The following IFIH1 variants were observed in gnomAD, a reference collection of about 807,000 sequenced individuals.
The protein encoded by IFIH1 is interferon induced with helicase C domain 1.
IFIH1 carries 125 observed loss-of-function variants against 107.4 expected under a neutral mutation model. The ratio of observed to expected loss-of-function variants is 1.16; its 90% confidence interval spans 1.01 to 1.35. The LOEUF is 1.35. IFIH1 is among the 40% of genes most tolerant of loss of function. IFIH1 has a pLI of 0.00. For missense variants in IFIH1, 1,333 were observed against 1,213.7 expected, an observed-to-expected ratio of 1.10 and a Z score of -1.46; for synonymous variants, 458 against 413.2, an observed-to-expected ratio of 1.11 and a Z score of -1.31.
At chr2:162,288,840 A>G (rs1160835261) in intron 4 of IFIH1, among the ~76,000 whole-genome samples, 1 of 151,088 alleles carries the variant, frequency 6.6e-6, no homozygotes, top group Non-Finnish European at 1.5e-5. Context: ...CCTTTTTTTA[A>G]TTGCAAAGAA....
rs758694037 is a variant in IFIH1 at position 162,310,823 on chromosome 2, T to C, written c.564A>G (p.Thr188=). Reference sequence around the variant, plus strand: ...ACTCTTGGACAAGTTCATTGTTTCCTGTTTGACGAAGAACATTCAGAAATG... The same window carrying C: ...ACTCTTGGACAAGTTCATTGTTTCCCGTTTGACGAAGAACATTCAGAAATG... ...FSAFLNVLRQ[T]GNNELVQELT... The change falls in exon 2 of 16, where the codon ACA becomes ACG. Residue 188 remains threonine (T), a synonymous_variant. Transcript: ENST00000649979. 4.3e-6 allele frequency: 7 copies of C among 1,613,884 alleles called. No individual in the cohort carries two copies. The Admixed American group carries it at 8.3e-5, about 19-fold the overall frequency.
At chr2:162,303,384 G>C (rs1558874003) in intron 3 of IFIH1, among the ~76,000 whole-genome samples, 1 of 152,126 alleles carries the variant, frequency 6.6e-6, no homozygotes, top group Non-Finnish European at 1.5e-5. Flanking sequence ...CCAAAGTCCT[G>C]GGATTACAGG....
At chr2:162,315,983 T>C (rs1172445461) in intron 1 of IFIH1, among the ~76,000 whole-genome samples, 4 of 152,218 alleles carry the variant, frequency 2.6e-5, no homozygotes, top group Non-Finnish European at 5.9e-5. Context: ...TTTGGGTTGT[T>C]TTGGCCTTAA....
In IFIH1 at chr2:162,277,501, T is replaced by C. The variant is rs1213233883; in HGVS notation, c.1958A>G (p.Tyr653Cys). 19 of 1,586,404 alleles carry C rather than the reference T, an allele frequency of 1.2e-5. No homozygotes were observed. The highest frequency in any genetic ancestry group is 1.7e-5 in the Admixed American group (1 of 59,716). Reference protein sequence around the residue: ...DDSDEGGDDEYCDGDEDEDDL... With the variant: ...DDSDEGGDDECCDGDEDEDDL... Reference sequence around the variant, plus strand: ...ATCCTCATCTTCATCACCATCACAATACTCATCATCACCACCCTCATCACT... The same window carrying C: ...ATCCTCATCTTCATCACCATCACAACACTCATCATCACCACCCTCATCACT... Residue 653 changes from tyrosine (Y) to cysteine (C), a missense_variant, in exon 10 of 16, where the codon TAT (tyrosine) becomes TGT (cysteine). By Grantham distance (194) the Tyr-to-Cys change is radical (BLOSUM62 -2). Coordinates refer to ENST00000649979, the MANE Select transcript of IFIH1 (RefSeq NM_022168.4).
chr2:162,272,273 C>T lies in IFIH1; in HGVS notation c.2569G>A (p.Ala857Thr), dbSNP rs768238624. The T allele has an allele frequency of 1.2e-6, 2 of 1,611,062 alleles. No individual in the cohort carries two copies. The highest frequency in any genetic ancestry group is 1.7e-6 in the Non-Finnish European group (2 of 1,177,728). ...TTCATATTTTGAACACAATGTATAG[C>T]TTTATACATCATCTTCTCTCGGAAA... ...NDFREKMMYK[A>T]IHCVQNMKPE... The change falls in exon 13 of 16, where the codon GCT becomes ACT. Residue 857 changes from alanine to threonine, a missense_variant. Ala to Thr is a moderately conservative substitution (Grantham distance 58, BLOSUM62 0). Transcript: ENST00000649979.
At chr2:162,298,788 GCGCACA>G in intron 3 of IFIH1, among the ~76,000 whole-genome samples, 1 of 149,640 alleles carries the variant, frequency 6.7e-6, no homozygotes, top group African/African-American at 2.5e-5. Context: ...GCACGCGCGC[GCGCACA>G]CACACACACA....
chr2:162,290,780 T>C (rs1369727306), intron 4 of IFIH1, among the ~76,000 whole-genome samples: 1 of 151,788 alleles, frequency 6.6e-6, no homozygotes, highest in Non-Finnish European at 1.5e-5. Flanking sequence ...AGGAAAAAAT[T>C]AGAGTTGGAT....
At chr2:162,293,479 G>T in intron 4 of IFIH1, 85 bp downstream of exon 4, 1 of 748,934 alleles carries the variant, frequency 1.3e-6, no homozygotes, top group Non-Finnish European at 2.3e-6. Flanking sequence ...AAATACATTA[G>T]GGAGGGTATG....
chr2:162,304,743 C>T (rs1330746916), intron 3 of IFIH1, among the ~76,000 whole-genome samples: 1 of 152,052 alleles, frequency 6.6e-6, no homozygotes, highest in African/African-American at 2.4e-5. Flanking sequence ...TAACGAAATA[C>T]CATTTTTAAT....
chr2:162,288,403 A>G (rs1189437423), intron 4 of IFIH1, 48 bp from the exon 5 acceptor site: 3 of 1,426,834 alleles, frequency 2.1e-6, no homozygotes, highest in African/African-American at 2.8e-5. Context: ...ACAAAATAAC[A>G]GAGCTTAGGA....
chr2:162,308,681 C>T (rs570215597), intron 2 of IFIH1, among the ~76,000 whole-genome samples: 4 of 152,054 alleles, frequency 2.6e-5, no homozygotes, highest in Non-Finnish European at 5.9e-5. Context: ...CTTGGCCTGG[C>T]TCATTTAATC....
chr2:162,293,093 A>G (rs1318423149), intron 4 of IFIH1, among the ~76,000 whole-genome samples: 1 of 151,954 alleles, frequency 6.6e-6, no homozygotes, highest in Non-Finnish European at 1.5e-5. Context: ...CTCTACTCCT[A>G]TTCAAAAGAT....
intron 4 of IFIH1, 31 bp from the exon 5 acceptor site, chr2:162,288,386 A>C (rs773154539): frequency 1.3e-6 from 2 of 1,536,360 alleles, no homozygotes; most frequent in Non-Finnish European, 1.8e-6. Context: ...AAATAAGAGA[A>C]GGGACAACAA....
At chr2:162,303,197 C>G (rs1351951303) in intron 3 of IFIH1, among the ~76,000 whole-genome samples, 2 of 152,126 alleles carry the variant, frequency 1.3e-5, no homozygotes, top group Non-Finnish European at 1.5e-5. Flanking sequence ...TCACTGCAAC[C>G]TCTGCCTCTT....
Position 162,281,476 on chromosome 2 carries a change from C to T in IFIH1, c.1376G>A (p.Arg459Lys), listed in dbSNP as rs1031540879. Residue 459 changes from arginine to lysine, a missense_variant, in exon 7 of 16, where the codon AGG becomes AAG. Arg to Lys is a conservative substitution (Grantham distance 26, BLOSUM62 2). Coordinates refer to ENST00000649979, the MANE Select transcript of IFIH1 (RefSeq NM_022168.4). The stretch of plus-strand genomic sequence containing the variant: ...TTTCAACTTCTGCATCAAATAATGC[C>T]TCATGATGTTATTATACACTGCTTC... ...NKEAVYNNIM[R>K]HYLMQKLKNN... 3.2e-5 allele frequency: 52 copies of T among 1,612,018 alleles called. No homozygotes were observed. The highest frequency in any genetic ancestry group is 4.2e-5 in the Non-Finnish European group (49 of 1,178,774).
Position 162,279,857 on chromosome 2 carries a change from CA to C in IFIH1, c.1641+138del, listed in dbSNP as rs141469634. The C allele has an allele frequency of 3.9e-3, 2,542 of 651,074 alleles. 18 individuals are homozygous for C. The highest frequency in any genetic ancestry group is 0.033 in the Middle Eastern group (83 of 2,482). The allele number at this position is 651,074 out of a possible 1,614,324, so 40.3% of individuals were successfully genotyped here. A position where few individuals can be genotyped will look rare whatever the true frequency, so the allele number is the denominator to read the frequency against. On this transcript the variant is annotated intron_variant, in intron 8 of 15. Coordinates refer to ENST00000649979, the MANE Select transcript of IFIH1 (RefSeq NM_022168.4). ...ACTGTAGTGCTTTACTGCCTAACAT[CA>C]ATTAAAAAAAAACCTGAAACTTGTT...
chr2:162,272,069 A>T (rs1484934835), intron 13 of IFIH1, among the ~76,000 whole-genome samples, 157 bp downstream of exon 13: 1 of 152,142 alleles, frequency 6.6e-6, no homozygotes, highest in Non-Finnish European at 1.5e-5. Context: ...ATGGATCTTG[A>T]TTCTCTGCAT....
intron 8 of IFIH1, among the ~76,000 whole-genome samples, chr2:162,279,511 A>T (rs1294792028): frequency 6.6e-6 from 1 of 152,086 alleles, no homozygotes; most frequent in African/African-American, 2.4e-5. Context: ...CATTAAAGTA[A>T]ATATTTCACT....
rs1172733188 is a variant in IFIH1, at chr2:162,267,183, G to C, written c.*17C>G. ...ATGTTTAACTGATAGTATTTTAAAA[G>C]AATCTTCAATCAAGTGCTAATCCTC... On this transcript the variant is annotated 3_prime_UTR_variant, in exon 16 of 16. Coordinates refer to ENST00000649979, the MANE Select transcript of IFIH1 (RefSeq NM_022168.4). 1.6e-5 allele frequency: 24 copies of C among 1,525,204 alleles called. No homozygotes were observed. The highest frequency in any genetic ancestry group is 2.4e-4 in the Middle Eastern group (1 of 4,220). 94.5% of individuals were successfully genotyped at this position (1,525,204 alleles called of 1,614,324 possible). A position where few individuals can be genotyped will look rare whatever the true frequency, so the allele number is the denominator to read the frequency against.
Sources: allele counts gnomAD v4.1 joint callset (sites outside exome capture counted in the v4.1 genomes callset), GRCh38; gene constraint gnomAD v4.1.1; transcripts MANE v1.5; gene names NCBI Gene and HGNC (gene_info 2026-07-23, HGNC 2026-07-21).